The following MTA3 variants were observed in gnomAD, a reference collection of about 807,000 sequenced individuals.
MTA3 encodes metastasis-associated protein MTA3.
In MTA3, 34 loss-of-function variants were observed where a neutral mutation model predicts 83.5. The observed-to-expected ratio is 0.41, with a 90% CI of 0.31 to 0.54. MTA3 has a LOEUF of 0.54. Ranked by LOEUF, MTA3 falls within the 20% of genes least tolerant of loss-of-function variation. The pLI is 0.33. For missense variants in MTA3, 761 were observed against 726.4 expected (o/e 1.05, Z -0.55); for synonymous variants, 303 against 252.7 (o/e 1.20, Z -1.89).
chr2:42,753,253 A>C, intron 16 of MTA3, 121 bp from the exon 17 acceptor site: 1 of 1,509,512 alleles, frequency 6.6e-7, no homozygotes, highest in Non-Finnish European at 8.9e-7. Context: ...TCTTTGACCT[A>C]CTGCTGAGCC....
At chr2:42,572,669 G>A (rs966835457) in intron 2 of MTA3, among the ~76,000 whole-genome samples, 1 of 152,142 alleles carries the variant, frequency 6.6e-6, no homozygotes, top group African/African-American at 2.4e-5. Context: ...GTCCGAGATG[G>A]TCGTTTATTA....
At chr2:42,529,561 T>G (rs1208046838) in intron 2 of MTA3, among the ~76,000 whole-genome samples, 1 of 152,222 alleles carries the variant, frequency 6.6e-6, no homozygotes, top group Non-Finnish European at 1.5e-5. Flanking sequence ...CTTCAGTGAT[T>G]GGCACCAAGC....
Position 42,668,346 on chromosome 2 carries a change from C to G in MTA3, c.702+8484C>G, listed in dbSNP as rs190735406. Among the ~76,000 whole-genome samples, 6 of 152,254 alleles carry G rather than the reference C, an allele frequency of 3.9e-5. No homozygotes were observed. The East Asian group carries it at 9.6e-4, about 24-fold the overall frequency. On this transcript the variant is annotated intron_variant, in intron 8 of 16. Transcript: ENST00000405094. The stretch of plus-strand genomic sequence containing the variant: ...TAGGTAATGTTTGCAAACATTGGGC[C>G]CTTCTGGCTCTTAAGGCCCCATAGA...
chr2:42,633,105 A>G (rs972453561), intron 4 of MTA3, among the ~76,000 whole-genome samples: 2 of 151,898 alleles, frequency 1.3e-5, no homozygotes, highest in Non-Finnish European at 2.9e-5. Context: ...TCTAGTAAAA[A>G]TACAAAAATT....
At chr2:42,507,907 C>T (rs1464617015) in intron 2 of MTA3, among the ~76,000 whole-genome samples, 2 of 150,434 alleles carry the variant, frequency 1.3e-5, no homozygotes, top group Non-Finnish European at 1.5e-5. Flanking sequence ...GATCTCGATG[C>T]TGCATTCCAG....
intron 11 of MTA3, chr2:42,702,210 T>A (rs974474195): frequency 6.6e-6 from 1 of 152,312 alleles, no homozygotes; most frequent in Non-Finnish European, 1.5e-5. Context: ...AGACTTTGTC[T>A]CAAAAAGTAA....
At chr2:42,696,400 A>C (rs1469003850) in intron 10 of MTA3, among the ~76,000 whole-genome samples, 1 of 152,124 alleles carries the variant, frequency 6.6e-6, no homozygotes, top group East Asian at 1.9e-4. Flanking sequence ...GTAACTCTCA[A>C]TTACTTATTT....
intron 2 of MTA3, among the ~76,000 whole-genome samples, chr2:42,521,751 C>CTTTTTTTTTTTTTTTTTTTTTTTTTTT (rs35664371): frequency 9.4e-6 from 1 of 106,400 alleles, no homozygotes; most frequent in Non-Finnish European, 1.8e-5. Context: ...ATCTTTCTCT[C>CTTTTTTTTTTTTTTTTTTTTTTTTTTT]TTTTTTTTTT....
chr2:42,745,356 T>TG (rs1052892141), intron 16 of MTA3, among the ~76,000 whole-genome samples: 1 of 152,156 alleles, frequency 6.6e-6, no homozygotes, highest in Non-Finnish European at 1.5e-5. Context: ...AGTAAGTGTT[T>TG]GGGAAAATAG....
intron 2 of MTA3, among the ~76,000 whole-genome samples, chr2:42,495,413 T>C (rs1438621293): frequency 6.6e-6 from 1 of 152,286 alleles, no homozygotes; most frequent in East Asian, 1.9e-4. Context: ...TAGTATCTAC[T>C]AAATAGTTTG....
At chr2:42,698,067 A>T (rs1158265194) in intron 11 of MTA3, among the ~76,000 whole-genome samples, 1 of 152,212 alleles carries the variant, frequency 6.6e-6, no homozygotes, top group Non-Finnish European at 1.5e-5. Flanking sequence ...TACTTTTATT[A>T]AATCAAAGCT....
At chr2:42,719,112 A>G (rs1667231712) in intron 15 of MTA3, 38 bp downstream of exon 15, 3 of 1,413,782 alleles carry the variant, frequency 2.1e-6, no homozygotes, top group African/African-American at 2.8e-5. Context: ...TCAAAGAGCA[A>G]TTTCTGAATA....
chr2:42,538,023 G>A (rs905509256), intron 2 of MTA3, among the ~76,000 whole-genome samples: 1 of 151,686 alleles, frequency 6.6e-6, no homozygotes, highest in African/African-American at 2.4e-5. Flanking sequence ...ACGAGGTCAG[G>A]AGATTGAGAC....
At chr2:42,647,756 T>C (rs941448099) in intron 6 of MTA3, among the ~76,000 whole-genome samples, 2 of 152,236 alleles carry the variant, frequency 1.3e-5, no homozygotes, top group African/African-American at 4.8e-5. Context: ...TTTGAACTCT[T>C]ATTTCAGCCT....
rs766174915 is a variant in MTA3 at position 42,755,236 on chromosome 2, A to G, written c.*1837A>G. 5.1e-6 allele frequency: 5 copies of G among 985,370 alleles called. No individual in the cohort carries two copies. The highest frequency in any genetic ancestry group is 6.1e-5 in the Admixed American group (1 of 16,276). 61.0% of individuals were successfully genotyped at this position (985,370 alleles called of 1,614,324 possible). On this transcript the variant is annotated 3_prime_UTR_variant, in exon 17 of 17. Transcript: ENST00000405094. ...GTCGTACTTGGACCCAGAAGGGGAA[A>G]TGATTCCCTCACCCTTTCACTTTCT...
chr2:42,614,756 C>T (rs1363333114), intron 4 of MTA3, among the ~76,000 whole-genome samples: 1 of 152,038 alleles, frequency 6.6e-6, no homozygotes, highest in Non-Finnish European at 1.5e-5. Context: ...GGGAGGATTA[C>T]ATGAACCTTG....
At chr2:42,623,522 A>T (rs1685776983) in intron 4 of MTA3, among the ~76,000 whole-genome samples, 1 of 152,094 alleles carries the variant, frequency 6.6e-6, no homozygotes, top group Admixed American at 6.6e-5. Flanking sequence ...CCAGCACAAC[A>T]GGTGGCCACA....
At position 42,536,858 on chromosome 2, in the gene MTA3, CAA is replaced by C. The variant is rs71410118; in HGVS notation, c.-140-33561_-140-33560del. ...TGGGCAACAGAGTGAGACCCCATCT[CAA>C]AAAAAAAAAAAAAAAAAGGGAGTAT... On this transcript the variant is annotated intron_variant, in intron 2 of 17. Transcript: ENST00000405592. Among the ~76,000 whole-genome samples, 21 of 84,274 alleles carry C rather than the reference CAA, an allele frequency of 2.5e-4. 1 individual carries two copies. The South Asian group carries it at 6.7e-3, about 27-fold the overall frequency. 55.3% of individuals were successfully genotyped at this position (84,274 alleles called of 152,430 possible).
chr2:42,715,613 G>A (rs968014779), intron 14 of MTA3, among the ~76,000 whole-genome samples: 1 of 151,964 alleles, frequency 6.6e-6, no homozygotes, highest in Non-Finnish European at 1.5e-5. Flanking sequence ...CCATTCAGAG[G>A]TACTCTGTAA....
Sources: allele counts gnomAD v4.1 joint callset (sites outside exome capture counted in the v4.1 genomes callset), GRCh38; gene constraint gnomAD v4.1.1; transcripts MANE v1.5; gene names NCBI Gene and HGNC (gene_info 2026-07-23, HGNC 2026-07-21).